Variants in AP4E1 observed in about 807,000 individuals in gnomAD.
AP4E1 encodes AP-4 complex subunit epsilon-1.
AP4E1 carries 56 observed loss-of-function variants against 128.2 expected under a neutral mutation model. The ratio of observed to expected loss-of-function variants is 0.44; its 90% confidence interval spans 0.35 to 0.55. The LOEUF is 0.55. Ranked by LOEUF, AP4E1 falls within the 20% of genes least tolerant of loss-of-function variation. The pLI, the probability that AP4E1 is intolerant of heterozygous loss-of-function variation, is 0.00. For missense variants in AP4E1, 1,324 were observed against 1,307.7 expected, an observed-to-expected ratio of 1.01 and a Z score of -0.19; for synonymous variants, 484 against 473.1, an observed-to-expected ratio of 1.02 and a Z score of -0.30.
In AP4E1 at chr15:50,938,712, G is replaced by A. The variant is rs115990962; in HGVS notation, c.944-2730G>A. 3.0e-3 allele frequency among the ~76,000 whole-genome samples: 453 copies of A among 152,172 alleles called. 8 individuals are homozygous for A. The highest frequency in any genetic ancestry group is 0.011 in the African/African-American group (441 of 41,504). The stretch of plus-strand genomic sequence containing the variant: ...TCCACTCCTGATCAGCGATAATGAG[G>A]CCACTCCCTCATAGTGTCACTGGAG... On this transcript the variant is annotated intron_variant, in intron 8 of 20. Transcript: ENST00000261842.
In AP4E1 at chr15:50,925,632, CT is replaced by C. The variant is rs33980264; in HGVS notation, c.542+428del. 2.5e-3 allele frequency among the ~76,000 whole-genome samples: 340 copies of C among 138,000 alleles called. 1 individual carries two copies. Among genetic ancestry groups the C allele is most frequent in the East Asian group, 0.016 (76 of 4,784 alleles). The allele number at this position is 138,000 out of a possible 152,430, so 90.5% of individuals were successfully genotyped here. ...AAAGCTTCAGTGTAGTGGGAAGATGCTTTTTTTTTTTTTTTGAGACAGAGTC... is the reference window on the plus strand; with the variant it reads ...AAAGCTTCAGTGTAGTGGGAAGATGCTTTTTTTTTTTTTTGAGACAGAGTC... On this transcript the variant is annotated intron_variant, in intron 5 of 20. Transcript: ENST00000261842.
rs776747982 is a variant in AP4E1, at chr15:50,950,039, A to G, written c.1430-12A>G. 2 of 1,605,390 alleles carry G rather than the reference A, an allele frequency of 1.2e-6. No individual in the cohort carries two copies. The highest frequency in any genetic ancestry group is 1.7e-6 in the Non-Finnish European group (2 of 1,172,484). On this transcript the variant is annotated splice_polypyrimidine_tract_variant and intron_variant, in intron 12 of 20. Transcript: ENST00000261842. Reference sequence around the variant, plus strand: ...TTGTGGAAATTAAAATGGTGTATCAATTTCTTTGTAGGTTTTGATGATGAA... The same window carrying G: ...TTGTGGAAATTAAAATGGTGTATCAGTTTCTTTGTAGGTTTTGATGATGAA...
In AP4E1 at chr15:50,957,238, C is replaced by T. The variant is rs116348488; in HGVS notation, c.1549-1254C>T. The stretch of plus-strand genomic sequence containing the variant: ...TTTTGTTGCCAGTGAAAGTGGCTCT[C>T]GGCAGGAAGGGGAGCTGACAGGGGG... On this transcript the variant is annotated intron_variant, in intron 13 of 20. Coordinates refer to ENST00000261842, the MANE Select transcript of AP4E1 (RefSeq NM_007347.5). Among the ~76,000 whole-genome samples the T allele has an allele frequency of 5.6e-3, 856 of 152,182 alleles. 9 individuals are homozygous for T. The highest frequency in any genetic ancestry group is 0.019 in the African/African-American group (775 of 41,524).
chr15:50,958,371 A>G (rs951118384), intron 13 of AP4E1, 121 bp from the exon 14 acceptor site: 2 of 794,064 alleles, frequency 2.5e-6, no homozygotes, highest in Admixed American at 2.9e-5. Context: ...TTTTTTCACC[A>G]TGAGAGGATG....
chr15:50,956,942 G>A (rs138453926), intron 13 of AP4E1, among the ~76,000 whole-genome samples: 3 of 152,148 alleles, frequency 2.0e-5, no homozygotes, highest in Admixed American at 6.6e-5. Flanking sequence ...GCAGGTGAGC[G>A]GGTGCAGGAG....
At chr15:50,938,233 C>T (rs922477348) in intron 8 of AP4E1, among the ~76,000 whole-genome samples, 3 of 152,164 alleles carry the variant, frequency 2.0e-5, no homozygotes, top group Middle Eastern at 3.4e-3. Context: ...AGCCAGCAGT[C>T]TGGAAATGCC....
At position 50,986,169 on chromosome 15, in the gene AP4E1, CTT is replaced by C. The variant is rs1036388715; in HGVS notation, c.2090+2026_2090+2027del. On this transcript the variant is annotated intron_variant, in intron 16 of 20. Coordinates refer to ENST00000261842, the MANE Select transcript of AP4E1 (RefSeq NM_007347.5). ...TGCACATTGATTTTGTATCCTGAGA[CTT>C]TGCTGAAGTTGCTTATCAGCTTAAG... Among the ~76,000 whole-genome samples the C allele has an allele frequency of 4.6e-3, 692 of 151,642 alleles. 6 individuals are homozygous for C. Among genetic ancestry groups the C allele is most frequent in the African/African-American group, 0.016 (648 of 41,454 alleles).
chr15:50,941,049 T>C (rs2063979462), intron 8 of AP4E1, among the ~76,000 whole-genome samples: 1 of 152,178 alleles, frequency 6.6e-6, no homozygotes, highest in Non-Finnish European at 1.5e-5. Flanking sequence ...AATATCTTTT[T>C]ATATAGGAAT....
Position 50,997,412 on chromosome 15 carries a change from T to A in AP4E1, c.2433T>A (p.His811Gln). 6.2e-7 allele frequency: 1 copy of A among 1,613,172 alleles called. No individual in the cohort carries two copies. Among genetic ancestry groups the A allele is most frequent in the South Asian group, 1.1e-5 (1 of 90,920 alleles). Residue 811 changes from histidine (H) to glutamine (Q), a missense_variant, in exon 18 of 21, where the codon CAT (histidine) becomes CAA (glutamine). Transcript: ENST00000261842. Reference sequence around the variant, plus strand: ...AAAGTGGCGAAACAACCAGTACTCATAATATGACCTGTTCTTCCTTTAGTT... The same window carrying A: ...AAAGTGGCGAAACAACCAGTACTCAAAATATGACCTGTTCTTCCTTTAGTT... ...EAKSGETTST[H>Q]NMTCSSFSSL...
intron 1 of AP4E1, among the ~76,000 whole-genome samples, chr15:50,910,691 T>G (rs1228488438): frequency 6.6e-6 from 1 of 152,258 alleles, no homozygotes; most frequent in Non-Finnish European, 1.5e-5. Context: ...AGTCTCACTC[T>G]GTCGCCCAGG....
intron 3 of AP4E1, among the ~76,000 whole-genome samples, chr15:50,918,867 A>G (rs2063660035): frequency 6.6e-6 from 1 of 151,928 alleles, no homozygotes; most frequent in East Asian, 1.9e-4. Context: ...AGTTTTTTCA[A>G]CCACATCCCT....
chr15:50,990,347 A>T (rs181333973), intron 16 of AP4E1, among the ~76,000 whole-genome samples: 10 of 141,788 alleles, frequency 7.1e-5, no homozygotes, highest in South Asian at 2.2e-4. Flanking sequence ...TATTTAATTT[A>T]TTATTATTAT....
At chr15:50,966,279 T>C (rs990970886) in intron 14 of AP4E1, among the ~76,000 whole-genome samples, 1 of 152,182 alleles carries the variant, frequency 6.6e-6, no homozygotes, top group Non-Finnish European at 1.5e-5. Flanking sequence ...AAAATAAAGG[T>C]TATTATTTCC....
chr15:50,920,110 CTTTT>C (rs34342608), intron 3 of AP4E1, among the ~76,000 whole-genome samples: 2 of 50,120 alleles, frequency 4.0e-5, no homozygotes, highest in African/African-American at 7.8e-5. Flanking sequence ...AAATTTATGC[CTTTT>C]TTTTTTTTTT....
chr15:50,945,733 G>C, intron 10 of AP4E1: 1 of 777,802 alleles, frequency 1.3e-6, no homozygotes, highest in Non-Finnish European at 2.4e-6. Context: ...TAATGCTTCT[G>C]AAAAATTTGG....
At chr15:50,974,213 G>C (rs1281007677) in intron 15 of AP4E1, among the ~76,000 whole-genome samples, 1 of 150,970 alleles carries the variant, frequency 6.6e-6, no homozygotes, top group Non-Finnish European at 1.5e-5. Context: ...TGATCCACCT[G>C]TCTTGGCTTC....
At chr15:50,966,349 C>T (rs372988637) in intron 14 of AP4E1, among the ~76,000 whole-genome samples, 1 of 152,046 alleles carries the variant, frequency 6.6e-6, no homozygotes, top group South Asian at 2.1e-4. Context: ...TTCATTAGTT[C>T]TTTCAGTAGT....
At chr15:50,993,649 T>C (rs2064832494) in intron 17 of AP4E1, 24 bp downstream of exon 17, 1 of 1,613,338 alleles carries the variant, frequency 6.2e-7, no homozygotes, top group African/African-American at 1.3e-5. Context: ...TCTATTCCTG[T>C]AAGAATCTTT....
chr15:50,919,812 A>G (rs1284459308), intron 3 of AP4E1, among the ~76,000 whole-genome samples: 1 of 151,722 alleles, frequency 6.6e-6, no homozygotes, highest in East Asian at 2.0e-4. Context: ...CACGGTGGCT[A>G]ATGTCTGTAA....
Sources: gnomAD v4.1 joint callset for allele counts (sites outside exome capture counted in the v4.1 genomes callset) on GRCh38, gnomAD v4.1.1 for gene constraint, MANE v1.5 for transcripts, NCBI Gene and HGNC (gene_info 2026-07-23, HGNC 2026-07-21) for gene names.